Variants in GRHPR observed in about 807,000 individuals in gnomAD.
The protein encoded by GRHPR is glyoxylate and hydroxypyruvate reductase.
In GRHPR, 35 loss-of-function variants were observed where a neutral mutation model predicts 36.8. The observed-to-expected ratio is 0.95, with a 90% CI of 0.73 to 1.26. GRHPR has a LOEUF of 1.26. Ranked by LOEUF, GRHPR falls within the 50% of genes most tolerant of loss-of-function variation. The probability of loss-of-function intolerance (pLI) is 0.00; values close to 1 mark genes in which losing one functional copy is unlikely to be tolerated. For missense variants in GRHPR, 380 were observed against 435.0 expected (o/e 0.87, Z 1.12); for synonymous variants, 179 against 181.0 (o/e 0.99, Z 0.09).
downstream of GRHPR, among the ~76,000 whole-genome samples, chr9:37,437,608 T>C (rs571447517): frequency 6.6e-6 from 1 of 152,266 alleles, no homozygotes; most frequent in South Asian, 2.1e-4. Flanking sequence ...GGTTTAATTT[T>C]AAAATTAGTT....
chr9:37,430,480 C>T, intron 6 of GRHPR, 31 bp from the exon 7 acceptor site: 1 of 1,605,736 alleles, frequency 6.2e-7, no homozygotes, highest in Non-Finnish European at 8.5e-7. Flanking sequence ...GCCTGGGACT[C>T]AGTGCCTGAT....
rs1823692330 is a variant in GRHPR, at chr9:37,436,866, C to G, written c.*84C>G. 2.1e-6 allele frequency: 3 copies of G among 1,429,914 alleles called. No homozygotes were observed. The highest frequency in any genetic ancestry group is 3.0e-6 in the Non-Finnish European group (3 of 1,013,412). 88.6% of individuals were successfully genotyped at this position (1,429,914 alleles called of 1,614,324 possible). ...CCCAGGCTTGATTTGGATCCACAGG[C>G]AGAGCCAAGGGAAGGTGTGATTCTC... On this transcript the variant is annotated 3_prime_UTR_variant, in exon 9 of 9. Coordinates refer to ENST00000318158, the MANE Select transcript of GRHPR (RefSeq NM_012203.2).
chr9:37,432,225 C>A, intron 8 of GRHPR, 87 bp downstream of exon 8: 1 of 1,323,640 alleles, frequency 7.6e-7, no homozygotes, highest in Non-Finnish European at 1.1e-6. Flanking sequence ...GGGTGTGGAG[C>A]TAGTGTGAGC....
Position 37,428,189 on chromosome 9 carries a change from G to A in GRHPR, c.405-295G>A, listed in dbSNP as rs1588754979. The A allele has an allele frequency of 2.3e-5, 12 of 527,720 alleles. No individual in the cohort carries two copies. In the East Asian group the frequency reaches 4.0e-4, roughly 18 times the overall value. The allele number at this position is 527,720 out of a possible 1,614,324, so 32.7% of individuals were successfully genotyped here. ...GCCTGTTGCTCTCAACTCTTCCCTG[G>A]TTGTGTGACCTCAGGCAAGTCACCC... On this transcript the variant is annotated intron_variant, in intron 4 of 8. Coordinates refer to ENST00000318158, the MANE Select transcript of GRHPR (RefSeq NM_012203.2).
At chr9:37,436,536 C>G in intron 8 of GRHPR, 125 bp from the exon 9 acceptor site, 1 of 1,040,510 alleles carries the variant, frequency 9.6e-7, no homozygotes, top group Non-Finnish European at 1.5e-6. Context: ...GAAGGCAAAG[C>G]ATGGAACCAT....
intron 8 of GRHPR, chr9:37,433,820 G>A (rs1823498180): frequency 2.7e-6 from 1 of 376,640 alleles, no homozygotes; most frequent in African/African-American, 2.1e-5. Context: ...GACTAAGAGT[G>A]ATCAGGGCCT....
At position 37,432,370 on chromosome 9, in the gene GRHPR, G is replaced by C. The variant is rs1337112489; in HGVS notation, c.865+232G>C. 5 of 476,718 alleles carry C rather than the reference G, an allele frequency of 1.0e-5. No individual in the cohort carries two copies. In the East Asian group the frequency reaches 1.3e-4, roughly 12 times the overall value. 29.5% of individuals were successfully genotyped at this position (476,718 alleles called of 1,614,324 possible). On this transcript the variant is annotated intron_variant, in intron 8 of 8. Transcript: ENST00000318158. ...CCCTAAAGGAACAGAATGTAGGTGTGAGTGGATTTGTTTAAAAAAAAAGAG... is the reference window on the plus strand; with the variant it reads ...CCCTAAAGGAACAGAATGTAGGTGTCAGTGGATTTGTTTAAAAAAAAAGAG...
chr9:37,437,213 A>G (rs1564306328), downstream of GRHPR, among the ~76,000 whole-genome samples: 1 of 151,954 alleles, frequency 6.6e-6, no homozygotes, highest in Non-Finnish European at 1.5e-5. Flanking sequence ...ATCACTCTTT[A>G]AATCACCACT....
rs550022713 is a variant in GRHPR, at chr9:37,430,666, C to T, written c.734+20C>T. On this transcript the variant is annotated intron_variant, in intron 7 of 8. Coordinates refer to ENST00000318158, the MANE Select transcript of GRHPR (RefSeq NM_012203.2). The stretch of plus-strand genomic sequence containing the variant: ...CAGCAGGTATCCTAGGGCCACCTTA[C>T]CCAGCAAGCCTGGAGAGGAGCCATC... 8.7e-6 allele frequency: 14 copies of T among 1,610,886 alleles called. No homozygotes were observed. Among genetic ancestry groups the T allele is most frequent in the Non-Finnish European group, 1.2e-5 (14 of 1,177,308 alleles).
intron 6 of GRHPR, chr9:37,430,106 A>G: frequency 3.6e-6 from 2 of 551,080 alleles, no homozygotes; most frequent in South Asian, 4.0e-5. Flanking sequence ...TGGGCGGAGC[A>G]GCGGGGATGG....
chr9:37,432,494 A>T (rs309454), intron 8 of GRHPR: 199,568 of 315,910 alleles, frequency 0.63, 66,139 homozygotes, highest in East Asian at 0.86. Flanking sequence ...CCTGGCCGAT[A>T]TGGTGAAACC....
chr9:37,439,111 G>A (rs950475375), downstream of GRHPR: 4 of 152,224 alleles, frequency 2.6e-5, no homozygotes, highest in Non-Finnish European at 4.4e-5. Context: ...GTTCATGCAT[G>A]AATTAAACTG....
intron 8 of GRHPR, 34 bp from the exon 9 acceptor site, chr9:37,436,627 C>T (rs764772001): frequency 3.7e-6 from 6 of 1,609,426 alleles, no homozygotes; most frequent in Non-Finnish European, 5.1e-6. Flanking sequence ...AACCACCCTT[C>T]TTATCTCCCT....
At chr9:37,433,180 C>T (rs1823452747) in intron 8 of GRHPR, among the ~76,000 whole-genome samples, 1 of 151,944 alleles carries the variant, frequency 6.6e-6, no homozygotes, top group African/African-American at 2.4e-5. Context: ...ACCAGAAGTG[C>T]CTCTGGCAGT....
At chr9:37,438,678 T>C (rs183428008), downstream of GRHPR, 1 of 152,444 alleles carries the variant, frequency 6.6e-6, no homozygotes, top group Non-Finnish European at 1.5e-5. Flanking sequence ...TAACCCACTG[T>C]GTCCCAAGGT....
intron 5 of GRHPR, chr9:37,428,802 G>C: frequency 1.5e-6 from 1 of 665,498 alleles, no homozygotes; most frequent in South Asian, 1.5e-5. Context: ...AGTTGCCTAA[G>C]GGTCAGGGGG....
downstream of GRHPR, among the ~76,000 whole-genome samples, chr9:37,437,625 C>T (rs1469306283): frequency 2.0e-5 from 3 of 152,046 alleles, no homozygotes; most frequent in Non-Finnish European, 2.9e-5. Flanking sequence ...AGTTTCAGCA[C>T]CTACACATAT....
intron 8 of GRHPR, among the ~76,000 whole-genome samples, chr9:37,435,134 C>T (rs935753510): frequency 6.6e-6 from 1 of 152,092 alleles, no homozygotes; most frequent in Non-Finnish European, 1.5e-5. Flanking sequence ...ACCTCTAGTC[C>T]TAGCTGCTCA....
In GRHPR at chr9:37,424,842, C is replaced by A. The variant is rs1471907326; in HGVS notation, c.84-3C>A. ...TCTCCTGAGGGCCTCCCTTTCCCCG[C>A]AGCTGTGAGGTGGAGCAGTGGGACT... On this transcript the variant is annotated splice_polypyrimidine_tract_variant and splice_region_variant and intron_variant, in intron 1 of 8. Transcript: ENST00000318158. 4 of 1,613,052 alleles carry A rather than the reference C, an allele frequency of 2.5e-6. No homozygotes were observed. The highest frequency in any genetic ancestry group is 2.2e-5 in the East Asian group (1 of 44,896).
Sources: allele counts gnomAD v4.1 joint callset (sites outside exome capture counted in the v4.1 genomes callset), GRCh38; gene constraint gnomAD v4.1.1; transcripts MANE v1.5; gene names NCBI Gene and HGNC (gene_info 2026-07-23, HGNC 2026-07-21).